Variants in TXNRD2 observed in about 807,000 individuals in gnomAD.
TXNRD2 encodes the protein thioredoxin reductase 2, mitochondrial.
In TXNRD2, 67 loss-of-function variants were observed where a neutral mutation model predicts 70.8. The ratio of observed to expected loss-of-function variants is 0.95; its 90% CI spans 0.78 to 1.16. The LOEUF (loss-of-function observed/expected upper bound fraction) is 1.16. TXNRD2 is among the 50% of genes most tolerant of loss of function. The probability of loss-of-function intolerance (pLI) is 0.00; values close to 1 mark genes in which losing one functional copy is unlikely to be tolerated. For synonymous variants in TXNRD2, 301 were observed against 295.8 expected, an observed-to-expected ratio of 1.02 and a Z score of -0.18; for missense variants, 644 against 719.9, an observed-to-expected ratio of 0.89 and a Z score of 1.21.
chr22:19,912,145 C>T (rs1453181682), intron 7 of TXNRD2, among the ~76,000 whole-genome samples: 1 of 152,138 alleles, frequency 6.6e-6, no homozygotes, highest in African/African-American at 2.4e-5. Context: ...GAGGGGCGGC[C>T]AAGCAGGTGG....
chr22:19,894,033 A>G (rs5992493), intron 11 of TXNRD2: 40,670 of 152,196 alleles, frequency 0.27, 7,699 homozygotes, highest in African/African-American at 0.53. Flanking sequence ...ACTGACAGAT[A>G]ATGGACACAC....
At chr22:19,935,246 C>T (rs916504936) in intron 1 of TXNRD2, among the ~76,000 whole-genome samples, 7 of 152,114 alleles carry the variant, frequency 4.6e-5, no homozygotes, top group African/African-American at 9.7e-5. Context: ...GGTCTGTAAA[C>T]GGCCACTCTG....
At chr22:19,915,170 A>G in intron 7 of TXNRD2, 44 bp downstream of exon 7, 1 of 1,598,056 alleles carries the variant, frequency 6.3e-7, no homozygotes, top group African/African-American at 1.3e-5. Flanking sequence ...AGAGGCCGGG[A>G]ATGGGCCACG....
chr22:19,915,153 C>G, intron 7 of TXNRD2, 61 bp downstream of exon 7: 1 of 1,527,178 alleles, frequency 6.5e-7, no homozygotes, highest in Non-Finnish European at 9.0e-7. Context: ...AAAAACGTAT[C>G]CCTCAAAGAG....
chr22:19,876,798 C>T (rs1379402072), intron 17 of TXNRD2: 1 of 281,074 alleles, frequency 3.6e-6, no homozygotes, highest in Admixed American at 4.9e-5. Context: ...TTCTTGATAC[C>T]TCCTGTGTGT....
chr22:19,890,215 G>A (rs956281450), intron 11 of TXNRD2, among the ~76,000 whole-genome samples: 23 of 152,188 alleles, frequency 1.5e-4, no homozygotes, highest in Non-Finnish European at 1.2e-4. Flanking sequence ...GCCACGTGGT[G>A]TGGAGGGGAA....
intron 2 of TXNRD2, among the ~76,000 whole-genome samples, chr22:19,925,004 G>A (rs181640322): frequency 6.6e-6 from 1 of 151,542 alleles, no homozygotes; most frequent in African/African-American, 2.4e-5. Flanking sequence ...AAAGCGGGGG[G>A]CCAGGCATGG....
At chr22:19,935,211 G>C (rs1269780248) in intron 1 of TXNRD2, among the ~76,000 whole-genome samples, 1 of 152,116 alleles carries the variant, frequency 6.6e-6, no homozygotes, top group African/African-American at 2.4e-5. Flanking sequence ...TAAGACCCTG[G>C]AAAAGGAATG....
intron 14 of TXNRD2, among the ~76,000 whole-genome samples, chr22:19,879,470 G>A (rs898354153): frequency 1.4e-5 from 2 of 147,818 alleles, no homozygotes; most frequent in African/African-American, 2.5e-5. Context: ...AGGCTTGCTC[G>A]ATGAAAACCC....
chr22:19,877,366 C>T (rs1010907795), intron 16 of TXNRD2, 132 bp from the exon 17 acceptor site: 2 of 809,368 alleles, frequency 2.5e-6, no homozygotes, highest in Non-Finnish European at 2.0e-6. Context: ...CAGCCAGCAG[C>T]CAGGACCCCT....
chr22:19,878,221 A>T, intron 15 of TXNRD2, 34 bp from the exon 16 acceptor site: 1 of 1,601,218 alleles, frequency 6.2e-7, no homozygotes, highest in Non-Finnish European at 8.6e-7. Flanking sequence ...CCAGCCCAGG[A>T]GGGGGCTGGG....
intron 11 of TXNRD2, chr22:19,891,305 G>A (rs1939253404): frequency 6.6e-6 from 1 of 152,322 alleles, no homozygotes; most frequent in South Asian, 2.1e-4. Flanking sequence ...GGACCCCCAG[G>A]TTTAGCGAGT....
intron 5 of TXNRD2, among the ~76,000 whole-genome samples, chr22:19,916,632 G>A (rs1401377887): frequency 6.8e-5 from 10 of 146,368 alleles, no homozygotes; most frequent in Admixed American, 1.4e-4. Flanking sequence ...ATGAGCCACC[G>A]CGCCCCACCC....
chr22:19,878,603 G>T (rs1938616206), intron 14 of TXNRD2, among the ~76,000 whole-genome samples, 166 bp from the exon 15 acceptor site: 3 of 152,226 alleles, frequency 2.0e-5, no homozygotes, highest in South Asian at 4.1e-4. Flanking sequence ...GCTGGCCACG[G>T]GGTGTGTGCA....
At chr22:19,891,874 C>A (rs370135675) in intron 11 of TXNRD2, 1 of 152,286 alleles carries the variant, frequency 6.6e-6, no homozygotes, top group Non-Finnish European at 1.5e-5. Context: ...AAGGCTGCGT[C>A]GAGGAAGGGG....
At chr22:19,913,721 G>A (rs906066129) in intron 7 of TXNRD2, among the ~76,000 whole-genome samples, 2 of 152,180 alleles carry the variant, frequency 1.3e-5, no homozygotes, top group Admixed American at 6.5e-5. Context: ...AAGGACCAAC[G>A]AGGCCCTGAA....
intron 1 of TXNRD2, among the ~76,000 whole-genome samples, chr22:19,934,531 T>G (rs1941478867): frequency 2.0e-5 from 3 of 152,086 alleles, no homozygotes; most frequent in African/African-American, 7.2e-5. Flanking sequence ...ATATGAACAT[T>G]TATCAATTCC....
Position 19,930,519 on chromosome 22 carries a change from A to C in TXNRD2, c.172+511T>G, listed in dbSNP as rs930472699. 1.3e-4 allele frequency among the ~76,000 whole-genome samples: 20 copies of C among 152,262 alleles called. No individual in the cohort carries two copies. In the East Asian group the frequency reaches 3.9e-3, roughly 29 times the overall value. On this transcript the variant is annotated intron_variant, in intron 2 of 17. Transcript: ENST00000400521. ...CCAACATCTTTACTCAATGGGTGCC[A>C]GGCCAAGTACAAGACTCACCCAGCA...
At chr22:19,930,580 C>T (rs1941318933) in intron 2 of TXNRD2, among the ~76,000 whole-genome samples, 1 of 152,090 alleles carries the variant, frequency 6.6e-6, no homozygotes, top group Admixed American at 6.5e-5. Flanking sequence ...GGCACCAGCA[C>T]TAAGAACAAG....
Sources: gnomAD v4.1 joint callset for allele counts (sites outside exome capture counted in the v4.1 genomes callset) on GRCh38, gnomAD v4.1.1 for gene constraint, MANE v1.5 for transcripts, NCBI Gene and HGNC (gene_info 2026-07-23, HGNC 2026-07-21) for gene names.